Variants in CADPS2 observed in about 807,000 individuals in gnomAD.
CADPS2 encodes the protein calcium-dependent secretion activator 2.
CADPS2 carries 93 observed loss-of-function variants against 172.5 expected under a neutral mutation model. The ratio of observed to expected loss-of-function variants is 0.54; its 90% CI spans 0.46 to 0.64. The LOEUF (loss-of-function observed/expected upper bound fraction) is 0.64. Among genes scored for constraint, CADPS2 ranks in the 30% least tolerant of loss-of-function variants. CADPS2 has a pLI of 0.00. For synonymous variants in CADPS2, 546 were observed against 555.2 expected (o/e 0.98, Z 0.23); for missense variants, 1,420 against 1,565.9 (o/e 0.91, Z 1.57).
At chr7:122,783,840 A>G (rs1793386363) in intron 1 of CADPS2, among the ~76,000 whole-genome samples, 1 of 152,212 alleles carries the variant, frequency 6.6e-6, no homozygotes, top group South Asian at 2.1e-4. Flanking sequence ...CTTCCTTTGT[A>G]CCAACTTTAA....
intron 6 of CADPS2, among the ~76,000 whole-genome samples, chr7:122,589,405 A>T (rs192626352): frequency 1.6e-4 from 25 of 152,084 alleles, no homozygotes; most frequent in Admixed American, 1.2e-3. Flanking sequence ...AAATGTTTTT[A>T]AAAATAGCTT....
chr7:122,710,692 C>A (rs182819621), intron 2 of CADPS2, among the ~76,000 whole-genome samples: 33 of 152,202 alleles, frequency 2.2e-4, no homozygotes, highest in Non-Finnish European at 4.4e-4. Context: ...TTCCCATCAT[C>A]TTTACAGACC....
intron 14 of CADPS2, among the ~76,000 whole-genome samples, chr7:122,470,367 A>G (rs2055759279): frequency 6.6e-6 from 1 of 152,286 alleles, no homozygotes; most frequent in Non-Finnish European, 1.5e-5. Flanking sequence ...AGATGAATAA[A>G]AAGTTAACGG....
At chr7:122,709,854 CAAT>C (rs1258230687) in intron 2 of CADPS2, among the ~76,000 whole-genome samples, 1 of 151,604 alleles carries the variant, frequency 6.6e-6, no homozygotes, top group African/African-American at 2.4e-5. Context: ...GGGAATTGAA[CAAT>C]GAGAACACAT....
intron 28 of CADPS2, among the ~76,000 whole-genome samples, chr7:122,339,869 G>C (rs2036504587): frequency 6.6e-6 from 1 of 152,136 alleles, no homozygotes; most frequent in Non-Finnish European, 1.5e-5. Context: ...TTGGTGACAA[G>C]AGTGAAACTC....
chr7:122,760,664 G>A (rs2093347792), intron 1 of CADPS2, among the ~76,000 whole-genome samples: 1 of 151,882 alleles, frequency 6.6e-6, no homozygotes, highest in Non-Finnish European at 1.5e-5. Context: ...CCTTTGTAGG[G>A]ACATGGATGA....
intron 3 of CADPS2, among the ~76,000 whole-genome samples, chr7:122,639,512 T>G (rs2134447094): frequency 6.6e-6 from 1 of 152,244 alleles, no homozygotes; most frequent in Middle Eastern, 3.4e-3. Flanking sequence ...ATTTCCTCAG[T>G]TTTATGTGTG....
At chr7:122,337,037 T>C (rs1350828420) in intron 28 of CADPS2, among the ~76,000 whole-genome samples, 1 of 152,182 alleles carries the variant, frequency 6.6e-6, no homozygotes, top group Non-Finnish European at 1.5e-5. Flanking sequence ...AGCTAATTAG[T>C]GTTCTGGCAT....
At chr7:122,833,309 A>C (rs938717548) in intron 1 of CADPS2, among the ~76,000 whole-genome samples, 1 of 152,194 alleles carries the variant, frequency 6.6e-6, no homozygotes, top group Non-Finnish European at 1.5e-5. Context: ...AAATCAATTC[A>C]AGAAAGAATT....
At chr7:122,632,608 T>C (rs180980065) in intron 3 of CADPS2, among the ~76,000 whole-genome samples, 44 of 152,318 alleles carry the variant, frequency 2.9e-4, no homozygotes, top group African/African-American at 7.9e-4. Flanking sequence ...CTTTGTCAGA[T>C]GCATAGTTTG....
intron 17 of CADPS2, among the ~76,000 whole-genome samples, chr7:122,432,298 T>C (rs1469791768): frequency 6.6e-6 from 1 of 152,124 alleles, no homozygotes; most frequent in Non-Finnish European, 1.5e-5. Context: ...ATAAAATACC[T>C]ATTTTGTAGA....
At chr7:122,775,077 C>A (rs2093833036) in intron 1 of CADPS2, among the ~76,000 whole-genome samples, 2 of 152,106 alleles carry the variant, frequency 1.3e-5, no homozygotes, top group South Asian at 4.2e-4. Context: ...TTTATATATT[C>A]AGTTGCTAGG....
intron 1 of CADPS2, among the ~76,000 whole-genome samples, chr7:122,777,252 C>T (rs1467228724): frequency 6.6e-6 from 1 of 152,134 alleles, no homozygotes; most frequent in African/African-American, 2.4e-5. Flanking sequence ...AGTAGGCAGT[C>T]CAGGGAAGGG....
chr7:122,656,381 G>C (rs2430042), intron 3 of CADPS2, among the ~76,000 whole-genome samples: 78,595 of 151,838 alleles, frequency 0.52, 20,612 homozygotes, highest in East Asian at 0.72. Context: ...TGGAAGAAGA[G>C]AATACCACCC....
At chr7:122,738,536 C>T (rs2092304165) in intron 1 of CADPS2, among the ~76,000 whole-genome samples, 1 of 151,864 alleles carries the variant, frequency 6.6e-6, no homozygotes, top group Non-Finnish European at 1.5e-5. Context: ...ACTTTATTAA[C>T]AAACTCATTC....
At chr7:122,781,673 AT>A (rs1792771383) in intron 1 of CADPS2, among the ~76,000 whole-genome samples, 1 of 152,140 alleles carries the variant, frequency 6.6e-6, no homozygotes, top group African/African-American at 2.4e-5. Flanking sequence ...CAGTTCTATT[AT>A]ATACAAGAAT....
intron 7 of CADPS2, among the ~76,000 whole-genome samples, chr7:122,575,086 T>C (rs78142049): frequency 0.2 from 30,554 of 151,988 alleles, 4,064 homozygotes; most frequent in Non-Finnish European, 0.3. Context: ...AAAATAGTCT[T>C]ATTTTTTTCT....
At chr7:122,598,088 CATAAAT>C (rs1229302523) in intron 6 of CADPS2, among the ~76,000 whole-genome samples, 1 of 152,000 alleles carries the variant, frequency 6.6e-6, no homozygotes, top group East Asian at 1.9e-4. Context: ...AGATTCCTTA[CATAAAT>C]ATATTTTCTA....
chr7:122,440,329 C>G (rs529160133), intron 16 of CADPS2: 7 of 152,052 alleles, frequency 4.6e-5, no homozygotes, highest in Non-Finnish European at 8.8e-5. Context: ...TAGGTACCCA[C>G]GATGGGATGT....
Sources: allele counts gnomAD v4.1 joint callset (sites outside exome capture counted in the v4.1 genomes callset), GRCh38; gene constraint gnomAD v4.1.1; transcripts MANE v1.5; gene names NCBI Gene and HGNC (gene_info 2026-07-23, HGNC 2026-07-21).